The following STOX2 variants were observed in gnomAD, a reference collection of about 807,000 sequenced individuals.
STOX2 encodes storkhead-box protein 2.
Under a neutral mutation model 60.9 loss-of-function variants are expected in STOX2, and 28 were observed. The observed-to-expected ratio is 0.46, with a 90% CI of 0.34 to 0.63. The LOEUF is 0.63. Among genes scored for constraint, STOX2 ranks in the 30% least tolerant of loss-of-function variants. The pLI, the probability that STOX2 is intolerant of heterozygous loss-of-function variation, is 0.01. For synonymous variants in STOX2, 472 were observed against 463.9 expected (o/e 1.02, Z -0.22); for missense variants, 1,024 against 1,187.7 (o/e 0.86, Z 2.03).
intron 1 of STOX2, among the ~76,000 whole-genome samples, chr4:183,846,344 A>G (rs1242794568): frequency 1.3e-5 from 2 of 152,118 alleles, no homozygotes; most frequent in Non-Finnish European, 2.9e-5. Context: ...CTTGGCCATT[A>G]TTGCTTCAAA....
At chr4:183,899,360 A>G (rs2111071848) in intron 1 of STOX2, among the ~76,000 whole-genome samples, 1 of 152,368 alleles carries the variant, frequency 6.6e-6, no homozygotes, top group Non-Finnish European at 1.5e-5. Flanking sequence ...CGAGGAAGGC[A>G]TGTCCAAAGC....
At chr4:183,968,483 A>G (rs1743645404) in intron 1 of STOX2, among the ~76,000 whole-genome samples, 1 of 152,050 alleles carries the variant, frequency 6.6e-6, no homozygotes, top group Non-Finnish European at 1.5e-5. Context: ...GTGGACTGTT[A>G]AAATAATTGT....
rs1346215556 is a variant in STOX2, at chr4:184,010,887, C to T, written c.2049C>T (p.His683=). The change falls in exon 3 of 4, where the codon CAC becomes CAT. Residue 683 remains histidine, a synonymous_variant. Coordinates refer to ENST00000308497, the MANE Select transcript of STOX2 (RefSeq NM_020225.3). This position sits in a 1 kb window ranked among gnomAD's most constrained non-coding sequence, Gnocchi z 4.5. ...EGIANGRLVQ[H]HGAEPSSLDK... is the part of the protein sequence containing the mutation. Reference sequence around the variant, plus strand: ...TCGCCAACGGACGCCTCGTCCAGCACCATGGTGCCGAGCCCAGCAGCTTGG... The same window carrying T: ...TCGCCAACGGACGCCTCGTCCAGCATCATGGTGCCGAGCCCAGCAGCTTGG... 1 of 1,612,452 alleles carries T rather than the reference C, an allele frequency of 6.2e-7. No individual in the cohort carries two copies. The highest frequency in any genetic ancestry group is 2.2e-5 in the East Asian group (1 of 44,866).
intron 1 of STOX2, among the ~76,000 whole-genome samples, chr4:183,997,262 C>T (rs895352953): frequency 6.6e-6 from 1 of 152,130 alleles, no homozygotes; most frequent in Non-Finnish European, 1.5e-5. Flanking sequence ...CTTGAAAGGT[C>T]GACCCAAGGA....
At chr4:183,902,890 T>C (rs1319301438), upstream of STOX2, among the ~76,000 whole-genome samples, 14 of 152,208 alleles carry the variant, frequency 9.2e-5, no homozygotes, top group Admixed American at 7.9e-4. Context: ...CCACGAACAC[T>C]GGATCATGTC....
At chr4:183,874,952 AAT>A (rs759209967) in intron 1 of STOX2, among the ~76,000 whole-genome samples, 1,950 of 44,442 alleles carry the variant, frequency 0.044, 61 homozygotes, top group Middle Eastern at 0.083. Flanking sequence ...AAAAAAAAAA[AAT>A]ATATATATAT....
At chr4:183,915,909 G>A (rs1456429879) in intron 1 of STOX2, among the ~76,000 whole-genome samples, 2 of 152,238 alleles carry the variant, frequency 1.3e-5, no homozygotes, top group Non-Finnish European at 1.5e-5. Context: ...CCCACTGTGC[G>A]GTGCTAGTTC....
chr4:183,844,864 C>T (rs1183390522), intron 1 of STOX2, among the ~76,000 whole-genome samples: 2 of 152,200 alleles, frequency 1.3e-5, no homozygotes, highest in Non-Finnish European at 2.9e-5. Context: ...AAAACATGGA[C>T]TCTGACCCCA....
At chr4:183,912,717 A>G (rs987838357) in intron 1 of STOX2, among the ~76,000 whole-genome samples, 18 of 152,162 alleles carry the variant, frequency 1.2e-4, no homozygotes, top group African/African-American at 4.3e-4. Flanking sequence ...ATCCTCACTG[A>G]TAGTACCTGC....
intron 1 of STOX2, among the ~76,000 whole-genome samples, chr4:183,954,363 G>A (rs12499145): frequency 0.057 from 8,664 of 151,434 alleles, 731 homozygotes; most frequent in African/African-American, 0.19. Flanking sequence ...ATCTTGGCTC[G>A]CTGCAACCTC....
chr4:183,990,908 A>G (rs1281663351), intron 1 of STOX2, among the ~76,000 whole-genome samples: 1 of 152,104 alleles, frequency 6.6e-6, no homozygotes, highest in Non-Finnish European at 1.5e-5. Context: ...GGTGAAAGTC[A>G]CTTTTTTGAC....
At chr4:183,867,324 G>C (rs1339649653) in intron 1 of STOX2, among the ~76,000 whole-genome samples, 1 of 152,224 alleles carries the variant, frequency 6.6e-6, no homozygotes. Context: ...GTTGCCCAGA[G>C]GATAAACAGA....
In STOX2 at chr4:183,941,983, C is replaced by T. The variant is rs192040775; in HGVS notation, c.166+35027C>T. On this transcript the variant is annotated intron_variant, in intron 1 of 3. Coordinates refer to ENST00000308497, the MANE Select transcript of STOX2 (RefSeq NM_020225.3). ...ATGTGTTGAAGGGTCTGTCCTCAAC[C>T]CATTAAAAAGTATGGATGGTCCTCA... 2.3e-3 allele frequency among the ~76,000 whole-genome samples: 347 copies of T among 152,180 alleles called. 5 individuals are homozygous for T. The highest frequency in any genetic ancestry group is 0.014 in the Middle Eastern group (4 of 294).
At chr4:183,999,995 T>G (rs1430858141) in intron 1 of STOX2, among the ~76,000 whole-genome samples, 1 of 152,224 alleles carries the variant, frequency 6.6e-6, no homozygotes, top group Non-Finnish European at 1.5e-5. Flanking sequence ...GAAGTACATT[T>G]AGGAAATCAG....
At chr4:183,837,433 C>T (rs1366817814) in intron 1 of STOX2, among the ~76,000 whole-genome samples, 1 of 151,820 alleles carries the variant, frequency 6.6e-6, no homozygotes, top group Non-Finnish European at 1.5e-5. Context: ...GCTTATCTCA[C>T]TCAGCATGCT....
intron 1 of STOX2, among the ~76,000 whole-genome samples, chr4:183,807,473 C>G (rs1579287787): frequency 8.2e-6 from 1 of 121,232 alleles, no homozygotes; most frequent in South Asian, 2.7e-4. Context: ...CGCCAGTGAG[C>G]CTGCCCGAGC....
At chr4:183,883,720 G>T (rs1211707936) in intron 1 of STOX2, among the ~76,000 whole-genome samples, 4 of 152,146 alleles carry the variant, frequency 2.6e-5, no homozygotes, top group African/African-American at 9.7e-5. Context: ...TGAATGGAAT[G>T]AGGAGAGGTG....
At chr4:183,948,892 T>G (rs1172766289) in intron 1 of STOX2, among the ~76,000 whole-genome samples, 1 of 152,156 alleles carries the variant, frequency 6.6e-6, no homozygotes, top group African/African-American at 2.4e-5. Context: ...TATGATTAAG[T>G]GAGAGAACAT....
At chr4:183,944,356 A>G (rs1742831057) in intron 1 of STOX2, among the ~76,000 whole-genome samples, 1 of 152,222 alleles carries the variant, frequency 6.6e-6, no homozygotes, top group Admixed American at 6.5e-5. Flanking sequence ...GGTGCATAAT[A>G]CACTCAAATA....
Sources: gnomAD v4.1 joint callset for allele counts (sites outside exome capture counted in the v4.1 genomes callset) on GRCh38, gnomAD v4.1.1 for gene constraint, Gnocchi (gnomAD v3.1) non-coding constraint, MANE v1.5 for transcripts, NCBI Gene and HGNC (gene_info 2026-07-23, HGNC 2026-07-21) for gene names.